The following TENM4 variants were observed in gnomAD, a reference collection of about 807,000 sequenced individuals.
TENM4 encodes the protein teneurin-4.
TENM4 carries 82 observed loss-of-function variants against 243.3 expected under a neutral mutation model. The ratio of observed to expected loss-of-function variants is 0.34; its 90% CI spans 0.28 to 0.40. TENM4 has a LOEUF of 0.40. TENM4 is among the 10% of genes least tolerant of loss of function. TENM4 has a pLI of 1.00. For synonymous variants in TENM4, 1,412 were observed against 1,456.3 expected, an observed-to-expected ratio of 0.97 and a Z score of 0.69; for missense variants, 3,138 against 3,673.3, an observed-to-expected ratio of 0.85 and a Z score of 3.77.
intron 1 of TENM4, among the ~76,000 whole-genome samples, chr11:79,415,413 A>G (rs1489638363): frequency 2.6e-5 from 4 of 152,234 alleles, no homozygotes; most frequent in Non-Finnish European, 5.9e-5. Flanking sequence ...AAAATAATAA[A>G]TAATGCTATC....
intron 1 of TENM4, among the ~76,000 whole-genome samples, chr11:79,352,935 GCAGAAAAATGACAGAGACAGGGA>G (rs1857439155): frequency 1.3e-5 from 2 of 152,224 alleles, no homozygotes; most frequent in East Asian, 1.9e-4. Flanking sequence ...AGAGGCAGGG[GCAGAAAAATGACAGAGACAGGGA>G]CAGAAAAATG....
intron 15 of TENM4, among the ~76,000 whole-genome samples, chr11:78,800,283 G>A (rs758263156): frequency 6.6e-5 from 10 of 152,150 alleles, no homozygotes; most frequent in Non-Finnish European, 1.5e-4. Context: ...AAGTTGATGA[G>A]GCATTCAGCC....
intron 3 of TENM4, among the ~76,000 whole-genome samples, chr11:79,156,804 T>A (rs543250243): frequency 6.6e-6 from 1 of 152,352 alleles, no homozygotes; most frequent in South Asian, 2.1e-4. Context: ...GTATTTACTC[T>A]CTGCCTTGCT....
intron 18 of TENM4, among the ~76,000 whole-genome samples, 169 bp from the exon 19 acceptor site, chr11:78,757,190 G>A (rs1205806175): frequency 6.6e-6 from 1 of 152,242 alleles, no homozygotes; most frequent in African/African-American, 2.4e-5. Flanking sequence ...AAGTGACTCA[G>A]ATGTGGTCCT....
intron 9 of TENM4, among the ~76,000 whole-genome samples, chr11:78,873,434 C>A (rs1313449347): frequency 6.6e-6 from 1 of 152,172 alleles, no homozygotes; most frequent in Admixed American, 6.5e-5. Context: ...ATTGTTATTA[C>A]TCTCATTTGT....
intron 4 of TENM4, among the ~76,000 whole-genome samples, chr11:79,146,075 C>T (rs1461609892): frequency 6.6e-6 from 1 of 152,092 alleles, no homozygotes; most frequent in East Asian, 1.9e-4. Context: ...TCTTTACCCA[C>T]TCTGTGGGTT....
intron 6 of TENM4, among the ~76,000 whole-genome samples, chr11:79,040,151 G>C (rs1241845627): frequency 6.6e-6 from 1 of 152,060 alleles, no homozygotes; most frequent in Non-Finnish European, 1.5e-5. Context: ...TCTTTCCTGA[G>C]GACTGAGTGC....
At chr11:79,073,070 A>G (rs74530294) in intron 4 of TENM4, among the ~76,000 whole-genome samples, 438 of 152,312 alleles carry the variant, frequency 2.9e-3, no homozygotes, top group African/African-American at 0.01. Context: ...CCAAGGTTAC[A>G]TGGCCCTGGC....
intron 6 of TENM4, among the ~76,000 whole-genome samples, chr11:79,057,534 C>T (rs191933568): frequency 6.6e-6 from 1 of 152,292 alleles, no homozygotes; most frequent in East Asian, 1.9e-4. Flanking sequence ...CCCAGACTCA[C>T]CCTGGGGACT....
intron 1 of TENM4, among the ~76,000 whole-genome samples, chr11:79,360,827 G>A (rs549771668): frequency 6.6e-6 from 1 of 152,290 alleles, no homozygotes; most frequent in South Asian, 2.1e-4. Flanking sequence ...CAACTACAAT[G>A]CAAAATGTGT....
intron 2 of TENM4, among the ~76,000 whole-genome samples, chr11:79,259,999 G>A (rs2135322299): frequency 6.6e-6 from 1 of 152,276 alleles, no homozygotes; most frequent in Admixed American, 6.5e-5. Flanking sequence ...GGGATACAGT[G>A]AGCACTGCCA....
chr11:79,104,960 G>C (rs10501433), intron 4 of TENM4, among the ~76,000 whole-genome samples: 24,154 of 152,130 alleles, frequency 0.16, 2,093 homozygotes, highest in East Asian at 0.22. Flanking sequence ...TTAGCCATTA[G>C]AGGTTTTAGT....
At chr11:79,334,981 C>T (rs1186355788) in intron 1 of TENM4, among the ~76,000 whole-genome samples, 1 of 152,182 alleles carries the variant, frequency 6.6e-6, no homozygotes, top group Admixed American at 6.5e-5. Context: ...TCTTTCGCCA[C>T]CTTCAAAACT....
intron 18 of TENM4, among the ~76,000 whole-genome samples, chr11:78,769,814 G>T (rs1267753869): frequency 6.6e-6 from 1 of 152,222 alleles, no homozygotes; most frequent in African/African-American, 2.4e-5. Context: ...CTGGCTCAAA[G>T]AACAGTGCTC....
chr11:78,827,945 TG>T (rs1857894739), intron 12 of TENM4, among the ~76,000 whole-genome samples: 1 of 152,242 alleles, frequency 6.6e-6, no homozygotes, highest in African/African-American at 2.4e-5. Context: ...TAAGTATGGC[TG>T]TTTTCCCCTA....
chr11:79,417,727 C>T (rs1277888321), intron 1 of TENM4, among the ~76,000 whole-genome samples: 1 of 151,884 alleles, frequency 6.6e-6, no homozygotes, highest in African/African-American at 2.4e-5. Flanking sequence ...GAATAGAATC[C>T]AAGCTCCTTG....
intron 1 of TENM4, among the ~76,000 whole-genome samples, chr11:79,388,936 A>G (rs1226572310): frequency 2.6e-5 from 4 of 152,184 alleles, no homozygotes; most frequent in Admixed American, 2.6e-4. Context: ...AAACCCAGAA[A>G]TAAGAAAGTA....
At chr11:79,019,257 G>A (rs1245484058) in intron 6 of TENM4, among the ~76,000 whole-genome samples, 1 of 152,178 alleles carries the variant, frequency 6.6e-6, no homozygotes, top group East Asian at 1.9e-4. Context: ...GAGGACGGCA[G>A]CAAGGCAGAA....
chr11:79,188,077 C>T (rs1863410558), intron 3 of TENM4, among the ~76,000 whole-genome samples: 1 of 152,196 alleles, frequency 6.6e-6, no homozygotes, highest in Non-Finnish European at 1.5e-5. Flanking sequence ...ACTCATGAGA[C>T]CTCATTTAAT....
Sources: allele counts gnomAD v4.1 joint callset (sites outside exome capture counted in the v4.1 genomes callset), GRCh38; gene constraint gnomAD v4.1.1; transcripts MANE v1.5; gene names NCBI Gene and HGNC (gene_info 2026-07-23, HGNC 2026-07-21).